Variants in RPS6KC1 observed in about 807,000 individuals in gnomAD.
RPS6KC1 encodes inactive ribosomal protein S6 kinase delta-1.
In RPS6KC1, 54 loss-of-function variants were observed where a neutral mutation model predicts 103.8. The observed-to-expected ratio is 0.52, with a 90% CI of 0.42 to 0.65. The LOEUF (loss-of-function observed/expected upper bound fraction) is 0.65, where lower values mean the gene tolerates loss of function less well. Among genes scored for constraint, RPS6KC1 ranks in the 30% least tolerant of loss-of-function variants. The probability of loss-of-function intolerance (pLI) is 0.00; values close to 1 mark genes in which losing one functional copy is unlikely to be tolerated. For missense variants in RPS6KC1, 1,151 were observed against 1,253.8 expected (o/e 0.92, Z 1.24); for synonymous variants, 439 against 438.7 (o/e 1.00, Z -0.01).
At chr1:213,839,548 T>C in the RPS6KC1 span, among the ~76,000 whole-genome samples, 2 of 152,208 alleles carry the variant, frequency 1.3e-5, no homozygotes, top group Non-Finnish European at 2.9e-5. Flanking sequence ...AAGTTGAGAA[T>C]GAGAAGAATG....
the RPS6KC1 span, among the ~76,000 whole-genome samples, chr1:213,639,325 T>G: frequency 9.9e-5 from 15 of 152,184 alleles, no homozygotes; most frequent in African/African-American, 3.6e-4. Flanking sequence ...TCGATCTGCC[T>G]TTTATTCCTT....
the RPS6KC1 span, among the ~76,000 whole-genome samples, chr1:213,467,559 G>C: frequency 6.6e-6 from 1 of 151,812 alleles, no homozygotes; most frequent in Non-Finnish European, 1.5e-5. Context: ...GGGAAGATTT[G>C]CTAAAGATGG....
intron 4 of RPS6KC1, 81 bp from the exon 5 acceptor site, chr1:213,117,236 C>A (rs2083758694): frequency 8.9e-5 from 59 of 666,438 alleles, no homozygotes; most frequent in East Asian, 1.3e-4. Flanking sequence ...TTTACACATA[C>A]TTAATTGGGA....
the RPS6KC1 span, among the ~76,000 whole-genome samples, chr1:213,723,740 T>C: frequency 2.2e-4 from 33 of 152,280 alleles, no homozygotes; most frequent in South Asian, 6.9e-3. Flanking sequence ...CCAAGATAAA[T>C]TGAGCACCCA....
the RPS6KC1 span, among the ~76,000 whole-genome samples, chr1:213,468,955 CCTT>C: frequency 6.6e-6 from 1 of 152,296 alleles, no homozygotes; most frequent in South Asian, 2.1e-4. Context: ...ATGGCCCACT[CCTT>C]CTCTTCTAGG....
the RPS6KC1 span, among the ~76,000 whole-genome samples, chr1:213,419,259 T>A: frequency 6.6e-6 from 1 of 152,218 alleles, no homozygotes; most frequent in Non-Finnish European, 1.5e-5. Context: ...AAAGGTCCCA[T>A]CCAAGTTATC....
chr1:213,296,284 C>T, the RPS6KC1 span, among the ~76,000 whole-genome samples: 1 of 152,116 alleles, frequency 6.6e-6, no homozygotes, highest in Non-Finnish European at 1.5e-5. Context: ...CAATACACAC[C>T]CAGATTGTTG....
At chr1:213,426,147 T>TGCCA in the RPS6KC1 span, among the ~76,000 whole-genome samples, 5 of 152,176 alleles carry the variant, frequency 3.3e-5, no homozygotes, top group African/African-American at 1.2e-4. Flanking sequence ...GCCTCCGCAC[T>TGCCA]GCCAGGGTGT....
At chr1:213,163,389 T>A in intron 6 of RPS6KC1, among the ~76,000 whole-genome samples, 1 of 151,900 alleles carries the variant, frequency 6.6e-6, no homozygotes, top group South Asian at 2.1e-4. Context: ...CTAAGTAGAG[T>A]CTTATGTGGG....
the RPS6KC1 span, among the ~76,000 whole-genome samples, chr1:213,554,645 C>T: frequency 6.6e-6 from 1 of 152,174 alleles, no homozygotes; most frequent in Non-Finnish European, 1.5e-5. Context: ...TTGCGTGTTG[C>T]ACTTTTTGTA....
In RPS6KC1 at chr1:213,115,790, C is replaced by G. The variant is rs143757323; in HGVS notation, c.379-1527C>G. 4.1e-3 allele frequency among the ~76,000 whole-genome samples: 628 copies of G among 152,276 alleles called. 8 individuals carry two copies. Among genetic ancestry groups the G allele is most frequent in the South Asian group, 0.038 (181 of 4,826 alleles). On this transcript the variant is annotated intron_variant, in intron 4 of 14. Transcript: ENST00000366960. ...GTTGGTTTCAAAGGCATCTTTATTT[C>G]TGCCTTCATTTTGTTATGTACGCAG... is the stretch of plus-strand genomic sequence containing the variant.
chr1:213,775,752 T>A, the RPS6KC1 span, among the ~76,000 whole-genome samples: 2 of 152,216 alleles, frequency 1.3e-5, no homozygotes, highest in Admixed American at 1.3e-4. Flanking sequence ...TGACTCTTCC[T>A]TTCATGAAAG....
chr1:213,786,567 A>G, the RPS6KC1 span, among the ~76,000 whole-genome samples: 1,017 of 152,318 alleles, frequency 6.7e-3, 11 homozygotes, highest in African/African-American at 0.024. Flanking sequence ...CTTCTTTTAT[A>G]AAGTGGAAAT....
At chr1:213,359,178 T>A in the RPS6KC1 span, among the ~76,000 whole-genome samples, 3 of 152,218 alleles carry the variant, frequency 2.0e-5, no homozygotes, top group African/African-American at 7.2e-5. Context: ...CCATTATTAA[T>A]GTGTGGGAGT....
chr1:213,345,798 C>T, the RPS6KC1 span, among the ~76,000 whole-genome samples: 2 of 152,194 alleles, frequency 1.3e-5, no homozygotes, highest in Non-Finnish European at 2.9e-5. Context: ...TCCTTTGACA[C>T]TCTGCTCCTT....
chr1:213,402,958 CAAA>C, the RPS6KC1 span, among the ~76,000 whole-genome samples: 839 of 111,498 alleles, frequency 7.5e-3, 13 homozygotes, highest in African/African-American at 0.027. Flanking sequence ...ACTAAAAATA[CAAA>C]AAAAAAAAAA....
At chr1:213,517,963 G>T in the RPS6KC1 span, among the ~76,000 whole-genome samples, 1 of 152,140 alleles carries the variant, frequency 6.6e-6, no homozygotes. Flanking sequence ...TTGTTGAATT[G>T]ATCCCTTTAC....
chr1:213,457,191 G>T, the RPS6KC1 span, among the ~76,000 whole-genome samples: 1,561 of 152,312 alleles, frequency 0.01, 170 homozygotes, highest in East Asian at 0.24. Flanking sequence ...TGATGTGATT[G>T]TTCTGTTCTT....
the RPS6KC1 span, among the ~76,000 whole-genome samples, chr1:213,363,617 GCTTGCTTGCTTTCTTTCTTTCTTT>G: frequency 3.4e-3 from 309 of 89,726 alleles, 25 homozygotes; most frequent in South Asian, 9.3e-3. Context: ...TTGCTTGCTT[GCTTGCTTGCTTTCTTTCTTTCTTT>G]CTTTCTTTCT....
Sources: allele counts gnomAD v4.1 joint callset (sites outside exome capture counted in the v4.1 genomes callset), GRCh38; gene constraint gnomAD v4.1.1; transcripts MANE v1.5; gene names NCBI Gene and HGNC (gene_info 2026-07-23, HGNC 2026-07-21).